AXDND1: variants seen among roughly 807,000 people sequenced by gnomAD.
AXDND1 encodes axonemal dynein light chain domain-containing protein 1.
Under a neutral mutation model 137.5 loss-of-function variants are expected in AXDND1, and 110 were observed. The ratio of observed to expected loss-of-function variants is 0.80; its 90% CI spans 0.69 to 0.94. AXDND1 has a LOEUF of 0.94. AXDND1 is among the 40% of genes least tolerant of loss of function. The probability of loss-of-function intolerance (pLI) is 0.00; values close to 1 mark genes in which losing one functional copy is unlikely to be tolerated. For missense variants in AXDND1, 1,191 were observed against 1,169.8 expected, an observed-to-expected ratio of 1.02 and a Z score of -0.26; for synonymous variants, 414 against 399.7, an observed-to-expected ratio of 1.04 and a Z score of -0.43.
At chr1:179,415,404 T>C (rs1654545367) in intron 12 of AXDND1, among the ~76,000 whole-genome samples, 1 of 152,006 alleles carries the variant, frequency 6.6e-6, no homozygotes, top group Admixed American at 6.6e-5. Context: ...AACTAAAAAG[T>C]AAATCCCAGA....
At chr1:179,376,152 G>A (rs4072451) in intron 4 of AXDND1, among the ~76,000 whole-genome samples, 50,634 of 151,988 alleles carry the variant, frequency 0.33, 8,942 homozygotes, top group Middle Eastern at 0.45. Flanking sequence ...AACATGTTAA[G>A]CATGATTTGC....
intron 11 of AXDND1, among the ~76,000 whole-genome samples, chr1:179,400,360 C>T (rs887238682): frequency 2.0e-5 from 3 of 151,348 alleles, no homozygotes; most frequent in Non-Finnish European, 4.4e-5. Flanking sequence ...CTCACTGATA[C>T]GTGGGAGTTA....
At chr1:179,377,942 G>A (rs1029880736) in intron 4 of AXDND1, among the ~76,000 whole-genome samples, 2 of 152,140 alleles carry the variant, frequency 1.3e-5, no homozygotes, top group Non-Finnish European at 2.9e-5. Context: ...GAAGGCCGAG[G>A]CAGGTCACCT....
At chr1:179,382,645 T>C in intron 6 of AXDND1, 55 bp from the exon 7 acceptor site, 2 of 1,341,144 alleles carry the variant, frequency 1.5e-6, no homozygotes, top group Non-Finnish European at 2.1e-6. Context: ...TGCTAATTGA[T>C]AAACAGGCCA....
At chr1:179,381,047 T>A (rs563454708) in intron 6 of AXDND1, among the ~76,000 whole-genome samples, 1 of 90,972 alleles carries the variant, frequency 1.1e-5, no homozygotes, top group African/African-American at 3.7e-5. Context: ...TTTTTTTTTT[T>A]TTTTTTCTTT....
At chr1:179,490,226 A>G (rs1320222420) in intron 18 of AXDND1, among the ~76,000 whole-genome samples, 3 of 152,182 alleles carry the variant, frequency 2.0e-5, no homozygotes, top group Non-Finnish European at 4.4e-5. Context: ...CTGTAAAAAC[A>G]TGGGAAAGGG....
chr1:179,378,793 T>G, intron 5 of AXDND1, 36 bp downstream of exon 5: 1 of 1,417,608 alleles, frequency 7.1e-7, no homozygotes, highest in South Asian at 1.8e-5. Context: ...CTTCTCTCCC[T>G]CTGTCTACTT....
intron 16 of AXDND1, among the ~76,000 whole-genome samples, chr1:179,458,664 T>C (rs1661767789): frequency 6.6e-6 from 1 of 152,052 alleles, no homozygotes; most frequent in African/African-American, 2.4e-5. Context: ...TGTGATCATA[T>C]AAGAGATGCT....
At chr1:179,547,583 G>A (rs1279010075) in intron 25 of AXDND1, among the ~76,000 whole-genome samples, 10 of 152,192 alleles carry the variant, frequency 6.6e-5, no homozygotes, top group Admixed American at 1.3e-4. Context: ...AATGTCCAAT[G>A]AAAGGGCACC....
intron 16 of AXDND1, chr1:179,448,281 G>A: frequency 1.3e-6 from 1 of 772,994 alleles, no homozygotes. Flanking sequence ...ATCAGTGCTA[G>A]CATATTGAAA....
chr1:179,489,928 T>A (rs531783618), intron 18 of AXDND1, among the ~76,000 whole-genome samples: 4 of 152,122 alleles, frequency 2.6e-5, no homozygotes, highest in Non-Finnish European at 5.9e-5. Context: ...GTATTTTTAG[T>A]AGAGACTGGG....
At position 179,509,400 on chromosome 1, in the gene AXDND1, A is replaced by G. The variant is rs1668815457; in HGVS notation, c.2493A>G (p.Glu831=). ...LTYEEIERLL[E]EEAVKEFIEP... ...ATGAAGAAATAGAGCGGCTACTTGA[A>G]GAGGTATTTGCCACATGTTAGCGTT... Residue 831 remains glutamate, a synonymous_variant, in exon 21 of 26, where the codon GAA becomes GAG. Transcript: ENST00000367618. The G allele has an allele frequency of 6.3e-7, 1 of 1,587,326 alleles. No homozygotes were observed. The highest frequency in any genetic ancestry group is 1.1e-5 in the South Asian group (1 of 90,246).
intron 25 of AXDND1, among the ~76,000 whole-genome samples, chr1:179,541,227 C>T (rs1010011750): frequency 6.6e-6 from 1 of 152,204 alleles, no homozygotes; most frequent in South Asian, 2.1e-4. Flanking sequence ...GCACCTGGTA[C>T]AGTCTCTCAT....
intron 4 of AXDND1, among the ~76,000 whole-genome samples, chr1:179,376,140 C>G (rs755040413): frequency 6.6e-6 from 1 of 152,086 alleles, no homozygotes; most frequent in Non-Finnish European, 1.5e-5. Context: ...AGACTAAAGC[C>G]CAACATGTTA....
In AXDND1 at chr1:179,488,014, A is replaced by AAAAAAG. The variant is rs1320560418; in HGVS notation, c.2092-3523_2092-3522insAAAAGA. 4.3e-3 allele frequency among the ~76,000 whole-genome samples: 562 copies of AAAAAAG among 130,086 alleles called. 21 individuals are homozygous for AAAAAAG. The highest frequency in any genetic ancestry group is 5.8e-3 in the Non-Finnish European group (358 of 61,912). The allele number at this position is 130,086 out of a possible 152,430, so 85.3% of individuals were successfully genotyped here. On this transcript the variant is annotated intron_variant, in intron 18 of 25. Transcript: ENST00000367618. ...ATGTCTCAAAAAAAAAAAAAAAAAA[A>AAAAAAG]AGAGAAATTTCAATTCCGTCAATCA...
intron 11 of AXDND1, among the ~76,000 whole-genome samples, chr1:179,405,384 G>A (rs545213984): frequency 3.3e-5 from 5 of 152,246 alleles, no homozygotes; most frequent in African/African-American, 4.8e-5. Flanking sequence ...GTAAACATAC[G>A]TGTGCATGTG....
chr1:179,467,456 A>T (rs1663361028), intron 16 of AXDND1, among the ~76,000 whole-genome samples: 1 of 152,242 alleles, frequency 6.6e-6, no homozygotes, highest in South Asian at 2.1e-4. Flanking sequence ...TATAATAAAT[A>T]TCACATAACA....
chr1:179,428,090 A>G (rs1043202803), intron 12 of AXDND1, among the ~76,000 whole-genome samples: 5 of 152,196 alleles, frequency 3.3e-5, no homozygotes, highest in African/African-American at 9.6e-5. Flanking sequence ...TCATTGTCTC[A>G]TTTTTCTCTG....
chr1:179,491,408 G>C (rs1302643359), intron 18 of AXDND1, 130 bp from the exon 19 acceptor site: 1 of 643,708 alleles, frequency 1.6e-6, no homozygotes, highest in Non-Finnish European at 2.7e-6. Context: ...CTGATGACTT[G>C]ATTTCATTAA....
Sources: allele counts gnomAD v4.1 joint callset (sites outside exome capture counted in the v4.1 genomes callset), GRCh38; gene constraint gnomAD v4.1.1; transcripts MANE v1.5; gene names NCBI Gene and HGNC (gene_info 2026-07-23, HGNC 2026-07-21).